PNPLA4: variants seen among roughly 807,000 people sequenced by gnomAD.
The protein encoded by PNPLA4 is patatin like domain 4, phospholipase and triacylglycerol lipase.
PNPLA4 carries 15 observed loss-of-function variants against 18.3 expected under a neutral mutation model. That is an observed-to-expected ratio of 0.82 (90% confidence interval 0.55 to 1.26). PNPLA4 has a LOEUF of 1.26. Ranked by LOEUF, PNPLA4 falls within the 50% of genes most tolerant of loss-of-function variation. PNPLA4 has a pLI of 0.00. For missense variants in PNPLA4, 229 were observed against 196.8 expected, an observed-to-expected ratio of 1.16 and a Z score of -0.98; for synonymous variants, 88 against 85.6, an observed-to-expected ratio of 1.03 and a Z score of -0.16.
rs59034856 is a variant in PNPLA4, at chrX:7,899,626, C to CGAGAGAGAGAGAGAGAGAGA, written c.*1040_*1059dup. 6.4e-5 allele frequency: 3 copies of CGAGAGAGAGAGAGAGAGAGA among 46,567 alleles called. No homozygotes were observed. Among genetic ancestry groups the CGAGAGAGAGAGAGAGAGAGA allele is most frequent in the African/African-American group, 1.6e-4 (2 of 12,323 alleles). The allele number at this position is 46,567 out of a possible 1,213,427, so 3.8% of individuals were successfully genotyped here. A position where few individuals can be genotyped will look rare whatever the true frequency, so the allele number is the denominator to read the frequency against. ...TAGCTAAATACTCAGAGAGGTATGG[C>CGAGAGAGAGAGAGAGAGAGA]GAGAGAGAGAGAGAGAGAGAGAGAG... On this transcript the variant is annotated 3_prime_UTR_variant, in exon 7 of 7. Coordinates refer to ENST00000381042, the MANE Select transcript of PNPLA4 (RefSeq NM_004650.3).
chrX:7,899,939 A>G lies in PNPLA4; in HGVS notation c.*747T>C, dbSNP rs1923476047. 9.0e-6 allele frequency: 1 copy of G among 111,677 alleles called. No individual in the cohort carries two copies. The allele number at this position is 111,677 out of a possible 1,213,427, so 9.2% of individuals were successfully genotyped here. On this transcript the variant is annotated 3_prime_UTR_variant, in exon 7 of 7. Coordinates refer to ENST00000381042, the MANE Select transcript of PNPLA4 (RefSeq NM_004650.3). ...GGACCCAGTGGGAGGTAACTGAATC[A>G]TGGAGGCAGGTCTTTCCCATGCTAT...
chrX:7,925,139 C>T (rs753896153), intron 2 of PNPLA4, among the ~76,000 whole-genome samples: 14 of 112,205 alleles, frequency 1.2e-4, no homozygotes, highest in Admixed American at 1.9e-4. Flanking sequence ...ATCTAGCTTC[C>T]CTTTGATAAG....
intron 5 of PNPLA4, among the ~76,000 whole-genome samples, chrX:7,905,242 G>C (rs895861127): frequency 2.7e-5 from 3 of 112,709 alleles, no homozygotes; most frequent in East Asian, 5.5e-4. Flanking sequence ...AAGAGATAAG[G>C]CTACCCATTA....
chrX:7,907,821 A>C (rs1349137029), intron 5 of PNPLA4, among the ~76,000 whole-genome samples: 5 of 109,065 alleles, frequency 4.6e-5, no homozygotes, highest in African/African-American at 1.3e-4. Flanking sequence ...CCCCAGGCTC[A>C]GGTGATCCTC....
chrX:7,911,768 G>A (rs1269395452), intron 5 of PNPLA4, among the ~76,000 whole-genome samples: 5 of 110,549 alleles, frequency 4.5e-5, no homozygotes, highest in Admixed American at 1.9e-4. Flanking sequence ...AAAAAAAATC[G>A]TTCACTGCTA....
chrX:7,918,430 G>A (rs1474475968), intron 4 of PNPLA4, among the ~76,000 whole-genome samples: 1 of 111,398 alleles, frequency 9.0e-6, no homozygotes, highest in African/African-American at 3.3e-5. Flanking sequence ...AACAGAATGG[G>A]ATGGGGAAAA....
intron 5 of PNPLA4, among the ~76,000 whole-genome samples, chrX:7,907,631 T>C (rs1368128993): frequency 8.9e-6 from 1 of 112,394 alleles, no homozygotes; most frequent in Non-Finnish European, 1.9e-5. Flanking sequence ...TTAATGAGTA[T>C]GTACTATAAG....
intron 4 of PNPLA4, among the ~76,000 whole-genome samples, chrX:7,912,609 C>T (rs1239834037): frequency 9.0e-6 from 1 of 111,497 alleles, no homozygotes; most frequent in Non-Finnish European, 1.9e-5. Flanking sequence ...TAATGGAACC[C>T]TGGCAAGCAG....
Position 7,900,152 on chromosome X carries a change from C to A in PNPLA4, c.*534G>T, listed in dbSNP as rs140783262. 0.027 allele frequency: 3,108 copies of A among 116,006 alleles called. 91 individuals are homozygous for A. The highest frequency in any genetic ancestry group is 0.1 in the Admixed American group (1,115 of 10,642). 9.6% of individuals were successfully genotyped at this position (116,006 alleles called of 1,213,427 possible). On this transcript the variant is annotated 3_prime_UTR_variant, in exon 7 of 7. Transcript: ENST00000381042. The stretch of plus-strand genomic sequence containing the variant: ...ACCTTTCTTTTGTAAATTGCCCAGT[C>A]TTGGGTATGTCTTTCTCAGCAGTGT...
intron 5 of PNPLA4, among the ~76,000 whole-genome samples, chrX:7,911,526 C>T (rs1171727204): frequency 1.8e-5 from 2 of 111,256 alleles, no homozygotes; most frequent in Non-Finnish European, 3.8e-5. Flanking sequence ...GAGGAGCACT[C>T]TCCTCAAACA....
chrX:7,917,416 A>G (rs1924077925), intron 4 of PNPLA4, among the ~76,000 whole-genome samples: 1 of 112,064 alleles, frequency 8.9e-6, no homozygotes, highest in Admixed American at 9.5e-5. Flanking sequence ...GTTAAAGAAT[A>G]ACACTGATAA....
chrX:7,921,879 AC>A (rs1431536897), intron 3 of PNPLA4, 31 bp from the exon 4 acceptor site: 2 of 1,171,746 alleles, frequency 1.7e-6, no homozygotes, highest in African/African-American at 3.6e-5. Context: ...TGAATTACTC[AC>A]CTTTAATTAT....
chrX:7,907,425 G>A (rs1263552138), intron 5 of PNPLA4, among the ~76,000 whole-genome samples: 1 of 112,230 alleles, frequency 8.9e-6, no homozygotes, highest in African/African-American at 3.2e-5. Flanking sequence ...AAACAAATGA[G>A]TTAAGAATTC....
intron 6 of PNPLA4, among the ~76,000 whole-genome samples, chrX:7,901,233 T>C (rs1923520625): frequency 8.9e-6 from 1 of 111,995 alleles, no homozygotes; most frequent in East Asian, 2.8e-4. Flanking sequence ...TTTTCTCCAC[T>C]ATTTTTATAT....
At chrX:7,924,919 A>G in intron 2 of PNPLA4, among the ~76,000 whole-genome samples, 1 of 112,360 alleles carries the variant, frequency 8.9e-6, no homozygotes, top group East Asian at 2.8e-4. Flanking sequence ...TTCAAAAACG[A>G]AACACAGTTA....
chrX:7,913,025 C>T (rs1923925438), intron 4 of PNPLA4, among the ~76,000 whole-genome samples: 1 of 111,724 alleles, frequency 9.0e-6, no homozygotes, highest in Non-Finnish European at 1.9e-5. Context: ...CTCTCAAAAG[C>T]CTATTTATTC....
chrX:7,926,869 T>C (rs1368832091), intron 1 of PNPLA4, among the ~76,000 whole-genome samples: 3 of 112,408 alleles, frequency 2.7e-5, no homozygotes, highest in African/African-American at 6.5e-5. Flanking sequence ...GTGAATGAAA[T>C]TGTGCCTCCA....
At chrX:7,910,943 T>C (rs1299800369) in intron 5 of PNPLA4, among the ~76,000 whole-genome samples, 1 of 111,131 alleles carries the variant, frequency 9.0e-6, no homozygotes, top group African/African-American at 3.3e-5. Context: ...AAAAGATACA[T>C]ATCTCTAGTA....
Position 7,921,624 on chromosome X carries a change from T to G in PNPLA4, c.411+89A>C. ...CGGGCCTGGTAAGAGACACAGGATC[T>G]AAAGAACGTGGTAATGCTCATTACT... On this transcript the variant is annotated intron_variant, in intron 4 of 6. Coordinates refer to ENST00000381042, the MANE Select transcript of PNPLA4 (RefSeq NM_004650.3). 4 of 815,984 alleles carry G rather than the reference T, an allele frequency of 4.9e-6. No individual in the cohort carries two copies. The South Asian group carries it at 8.9e-5, about 18-fold the overall frequency. 67.2% of individuals were successfully genotyped at this position (815,984 alleles called of 1,213,427 possible). A position where few individuals can be genotyped will look rare whatever the true frequency, so the allele number is the denominator to read the frequency against.
Sources: gnomAD v4.1 joint callset for allele counts (sites outside exome capture counted in the v4.1 genomes callset) on GRCh38, gnomAD v4.1.1 for gene constraint, MANE v1.5 for transcripts, NCBI Gene and HGNC (gene_info 2026-07-23, HGNC 2026-07-21) for gene names.